TRIM14: variants seen among roughly 807,000 people sequenced by gnomAD.
The protein encoded by TRIM14 is tripartite motif containing 14.
Under a neutral mutation model 44.5 loss-of-function variants are expected in TRIM14, and 28 were observed. That is an observed-to-expected ratio of 0.63 (90% CI 0.47 to 0.86). The LOEUF is 0.86. Ranked by LOEUF, TRIM14 falls within the 40% of genes least tolerant of loss-of-function variation. TRIM14 has a pLI of 0.00. For synonymous variants in TRIM14, 299 were observed against 269.2 expected (o/e 1.11, Z -1.08); for missense variants, 607 against 611.1 (o/e 0.99, Z 0.07).
intron 1 of TRIM14, among the ~76,000 whole-genome samples, chr9:98,114,569 G>C (rs1409465315): frequency 6.6e-6 from 1 of 152,176 alleles, no homozygotes; most frequent in South Asian, 2.1e-4. Context: ...TGATCGGCCC[G>C]CCTCAGCCTC....
At chr9:98,047,440 A>G in the TRIM14 span, among the ~76,000 whole-genome samples, 58 of 152,268 alleles carry the variant, frequency 3.8e-4, no homozygotes, top group African/African-American at 1.3e-3. Flanking sequence ...CCAAAAAGAT[A>G]TTCAAGCTCT....
At chr9:98,091,307 A>G (rs952129431) in intron 5 of TRIM14, among the ~76,000 whole-genome samples, 14 of 152,190 alleles carry the variant, frequency 9.2e-5, no homozygotes, top group Non-Finnish European at 1.8e-4. Flanking sequence ...AAAATAAAAA[A>G]TTAGCTGGGC....
At chr9:98,077,082 A>G (rs1829626723) in intron 6 of TRIM14, 1 of 1,181,590 alleles carries the variant, frequency 8.5e-7, no homozygotes, top group South Asian at 1.4e-5. Context: ...TACTCCCCTC[A>G]TGGTGGCCCA....
intron 2 of TRIM14, among the ~76,000 whole-genome samples, chr9:98,106,459 C>A (rs1373838230): frequency 6.6e-6 from 1 of 152,198 alleles, no homozygotes; most frequent in African/African-American, 2.4e-5. Context: ...TGGGAGTAGC[C>A]ATTGCTCAGC....
At chr9:98,056,133 C>T in the TRIM14 span, among the ~76,000 whole-genome samples, 2 of 152,194 alleles carry the variant, frequency 1.3e-5, no homozygotes, top group African/African-American at 4.8e-5. Flanking sequence ...CAAGCCAGTG[C>T]AACTTCTCGA....
chr9:98,069,461 A>G (rs1221205939), exon 7 of TRIM14: 1 of 152,096 alleles, frequency 6.6e-6, no homozygotes, highest in Non-Finnish European at 1.5e-5. Flanking sequence ...TTTTGCAGAG[A>G]TGGGGTTTCA....
chr9:98,071,019 C>T (rs1327149296), intron 6 of TRIM14, among the ~76,000 whole-genome samples: 1 of 151,830 alleles, frequency 6.6e-6, no homozygotes, highest in Non-Finnish European at 1.5e-5. Flanking sequence ...CCCTATGTTG[C>T]CCAGGCTGGT....
At chr9:98,115,527 C>T (rs1339839268) in intron 1 of TRIM14, among the ~76,000 whole-genome samples, 4 of 152,150 alleles carry the variant, frequency 2.6e-5, no homozygotes, top group East Asian at 1.9e-4. Flanking sequence ...GGATTACAGG[C>T]GTGAGCCACT....
At chr9:98,077,022 G>C (rs746193805) in intron 6 of TRIM14, 9 of 1,598,216 alleles carry the variant, frequency 5.6e-6, no homozygotes, top group Non-Finnish European at 7.7e-6. Flanking sequence ...AAAAAGGTAA[G>C]TGTCTAATTT....
chr9:98,088,406 G>A (rs950246504), intron 5 of TRIM14, among the ~76,000 whole-genome samples: 2 of 151,560 alleles, frequency 1.3e-5, no homozygotes, highest in Non-Finnish European at 2.9e-5. Context: ...CCAGGCTGGA[G>A]TGCAGTGGCG....
At chr9:98,056,744 A>G in the TRIM14 span, 1 of 1,568,308 alleles carries the variant, frequency 6.4e-7, no homozygotes, top group Non-Finnish European at 8.6e-7. Context: ...AGAACAGAGT[A>G]GAGGCGGCGG....
intron 2 of TRIM14, among the ~76,000 whole-genome samples, chr9:98,107,933 G>T (rs1826684374): frequency 6.6e-6 from 1 of 152,078 alleles, no homozygotes. Flanking sequence ...CTACCAAAGT[G>T]CTGGGATTAC....
chr9:98,075,315 GAA>G (rs573564925), intron 6 of TRIM14: 89 of 127,644 alleles, frequency 7.0e-4, no homozygotes, highest in African/African-American at 3.0e-3. Flanking sequence ...GATGGAAGGG[GAA>G]AAGAGAAGAG....
At chr9:98,098,589 G>A (rs550569255) in intron 3 of TRIM14, among the ~76,000 whole-genome samples, 61 of 152,148 alleles carry the variant, frequency 4.0e-4, no homozygotes, top group African/African-American at 1.4e-3. Flanking sequence ...GGGGGCGCCT[G>A]TAGTCCCAGC....
the TRIM14 span, chr9:98,056,686 C>CGGGCTGACGTGGCG: frequency 7.0e-7 from 1 of 1,420,096 alleles, no homozygotes; most frequent in Non-Finnish European, 9.3e-7. Context: ...CCGGCGACCG[C>CGGGCTGACGTGGCG]GGGCTGACGT....
At chr9:98,042,598 G>A in the TRIM14 span, among the ~76,000 whole-genome samples, 56,481 of 152,030 alleles carry the variant, frequency 0.37, 12,655 homozygotes, top group African/African-American at 0.63. Context: ...TAGGCTGGGC[G>A]CAATGGCTCA....
At chr9:98,063,693 C>T in the TRIM14 span, among the ~76,000 whole-genome samples, 1 of 151,974 alleles carries the variant, frequency 6.6e-6, no homozygotes, top group African/African-American at 2.4e-5. Flanking sequence ...AGGCATGTGC[C>T]AACACGCTTG....
At chr9:98,053,802 A>AAAATAAATAAGT in the TRIM14 span, among the ~76,000 whole-genome samples, 1 of 146,356 alleles carries the variant, frequency 6.8e-6, no homozygotes, top group Non-Finnish European at 1.5e-5. Context: ...AGCCCACTAC[A>AAAATAAATAAGT]AAATAAATAA....
intron 6 of TRIM14, among the ~76,000 whole-genome samples, chr9:98,071,909 G>A (rs566556067): frequency 5.3e-4 from 81 of 152,332 alleles, no homozygotes; most frequent in Non-Finnish European, 6.9e-4. Context: ...AGGCTGCCAA[G>A]GCGGAGTCAC....
Sources: allele counts gnomAD v4.1 joint callset (sites outside exome capture counted in the v4.1 genomes callset), GRCh38; gene constraint gnomAD v4.1.1; transcripts MANE v1.5; gene names NCBI Gene and HGNC (gene_info 2026-07-23, HGNC 2026-07-21).